Variants in ZNF831 observed in about 807,000 individuals in gnomAD.
ZNF831 encodes the protein zinc finger protein 831, also known as chromosome 20 open reading frame 174.
In ZNF831, 59 loss-of-function variants were observed where a neutral mutation model predicts 95.8. The observed-to-expected ratio is 0.62, with a 90% CI of 0.50 to 0.77. The LOEUF is 0.77. ZNF831 is among the 30% of genes least tolerant of loss of function. The pLI is 0.00. For missense variants in ZNF831, 2,205 were observed against 2,164.0 expected (o/e 1.02, Z -0.38); for synonymous variants, 961 against 925.5 (o/e 1.04, Z -0.70).
intron 4 of ZNF831, among the ~76,000 whole-genome samples, chr20:59,237,017 T>C (rs1243037022): frequency 6.6e-6 from 1 of 152,296 alleles, no homozygotes; most frequent in East Asian, 1.9e-4. Context: ...ATAATGTCCC[T>C]TTTAAAGGTT....
chr20:59,139,551 A>G (rs773952675), intron 1 of ZNF831, among the ~76,000 whole-genome samples: 7 of 152,152 alleles, frequency 4.6e-5, no homozygotes, highest in Non-Finnish European at 8.8e-5. Flanking sequence ...ACCAGTGAAC[A>G]CATGTAACTA....
At position 59,175,198 on chromosome 20, in the gene ZNF831, G is replaced by T. The variant is rs566995139; in HGVS notation, c.-37+10991G>T. Among the ~76,000 whole-genome samples, 3 of 133,554 alleles carry T rather than the reference G, an allele frequency of 2.2e-5. No individual in the cohort carries two copies. The South Asian group carries it at 7.4e-4, about 33-fold the overall frequency. 87.6% of individuals were successfully genotyped at this position (133,554 alleles called of 152,430 possible). A position where few individuals can be genotyped will look rare whatever the true frequency, so the allele number is the denominator to read the frequency against. ...AGGAGTTTGACTATGACGTGCTTTG[G>T]TGTGGATTTCTTTGGGTTTATCCTG... On this transcript the variant is annotated intron_variant, in intron 1 of 5. Transcript: ENST00000371030.
chr20:59,236,503 C>G (rs2146711923), intron 4 of ZNF831, among the ~76,000 whole-genome samples: 1 of 150,312 alleles, frequency 6.7e-6, no homozygotes, highest in African/African-American at 2.4e-5. Context: ...GTTGCCCACT[C>G]TGGAGTGCAG....
At chr20:59,247,633 AT>A (rs1987683226) in intron 4 of ZNF831, among the ~76,000 whole-genome samples, 1 of 152,218 alleles carries the variant, frequency 6.6e-6, no homozygotes, top group African/African-American at 2.4e-5. Flanking sequence ...CTTCTAAACA[AT>A]TTAATCACAG....
intron 1 of ZNF831, among the ~76,000 whole-genome samples, chr20:59,139,577 G>A (rs1375289818): frequency 1.3e-5 from 2 of 152,106 alleles, no homozygotes; most frequent in African/African-American, 4.8e-5. Flanking sequence ...CAACTGACCA[G>A]CATCAGTGCA....
At chr20:59,153,096 C>T (rs187878225) in intron 2 of ZNF831, among the ~76,000 whole-genome samples, 1 of 152,236 alleles carries the variant, frequency 6.6e-6, no homozygotes, top group East Asian at 1.9e-4. Flanking sequence ...ACTTTGCCAT[C>T]GCCACCATCC....
chr20:59,224,862 G>T (rs11908469), intron 4 of ZNF831, among the ~76,000 whole-genome samples: 8,243 of 152,214 alleles, frequency 0.054, 728 homozygotes, highest in African/African-American at 0.19. Flanking sequence ...GTCCCTGCAT[G>T]AATGGTTGAA....
intron 5 of ZNF831, 41 bp from the exon 6 acceptor site, chr20:59,253,857 C>CCT (rs747318932): frequency 8.4e-7 from 1 of 1,183,610 alleles, no homozygotes; most frequent in Non-Finnish European, 1.1e-6. Flanking sequence ...TACCAATTAA[C>CCT]CTCCCCCCCC....
At chr20:59,221,808 G>C (rs190735475) in intron 4 of ZNF831, among the ~76,000 whole-genome samples, 2 of 152,296 alleles carry the variant, frequency 1.3e-5, no homozygotes, top group Admixed American at 6.5e-5. Flanking sequence ...ATCATTTTCA[G>C]TCATTTTCAG....
At chr20:59,199,548 G>A (rs1216674004) in intron 3 of ZNF831, among the ~76,000 whole-genome samples, 2 of 152,052 alleles carry the variant, frequency 1.3e-5, no homozygotes, top group East Asian at 3.9e-4. Context: ...ATCGTGTCAG[G>A]ACATACTGAT....
chr20:59,240,924 G>C (rs1987299325), intron 4 of ZNF831, among the ~76,000 whole-genome samples: 5 of 151,922 alleles, frequency 3.3e-5, no homozygotes, highest in South Asian at 2.1e-4. Flanking sequence ...TAAGCTTTTG[G>C]GTTTGTGTGT....
intron 4 of ZNF831, among the ~76,000 whole-genome samples, chr20:59,222,292 C>T (rs1986131324): frequency 1.3e-5 from 2 of 152,134 alleles, no homozygotes; most frequent in Admixed American, 6.5e-5. Context: ...CCCGGGCGGG[C>T]GGCGGGGTGG....
chr20:59,150,579 C>T lies in ZNF831; in HGVS notation c.-1281+4205C>T, dbSNP rs138032870. ...AGTAACCATAGCATAGGGGACCCAC[C>T]GTATGAGACTCAGAACCATCATCTG... On this transcript the variant is annotated intron_variant, in intron 2 of 7. Transcript: ENST00000637017. Among the ~76,000 whole-genome samples, 1,336 of 152,244 alleles carry T rather than the reference C, an allele frequency of 8.8e-3. 18 individuals carry two copies. Among genetic ancestry groups the T allele is most frequent in the African/African-American group, 0.03 (1,245 of 41,536 alleles).
intron 1 of ZNF831, among the ~76,000 whole-genome samples, chr20:59,139,669 C>CTGGA (rs1173338898): frequency 2.0e-5 from 3 of 152,178 alleles, no homozygotes; most frequent in Admixed American, 1.3e-4. Flanking sequence ...GACTGGAGGA[C>CTGGA]TGGAGCAAGT....
chr20:59,241,549 T>C (rs1238404654), intron 4 of ZNF831, among the ~76,000 whole-genome samples: 2 of 152,186 alleles, frequency 1.3e-5, no homozygotes, highest in Admixed American at 1.3e-4. Context: ...AAGAAAACTT[T>C]TGTAAGAAAC....
At chr20:59,141,482 C>T (rs950676192) in intron 1 of ZNF831, among the ~76,000 whole-genome samples, 1 of 152,186 alleles carries the variant, frequency 6.6e-6, no homozygotes, top group African/African-American at 2.4e-5. Context: ...ATTATCCTTA[C>T]TCCGTTAAAA....
At chr20:59,211,255 G>A (rs182923019) in intron 4 of ZNF831, among the ~76,000 whole-genome samples, 121 of 152,266 alleles carry the variant, frequency 7.9e-4, no homozygotes, top group African/African-American at 2.8e-3. Flanking sequence ...TGTTATTTGA[G>A]CATCCAGTTG....
chr20:59,137,903 A>T (rs6026722), intron 1 of ZNF831, among the ~76,000 whole-genome samples: 153 of 151,826 alleles, frequency 1.0e-3, no homozygotes, highest in African/African-American at 3.5e-3. Context: ...CCCCTTCCTC[A>T]CTTGCTATCC....
rs376362684 is a variant in ZNF831 at position 59,194,668 on chromosome 20, C to G, written c.3649C>G (p.Arg1217Gly). The G allele has an allele frequency of 2.5e-6, 4 of 1,613,104 alleles. No homozygotes were observed. The highest frequency in any genetic ancestry group is 3.4e-6 in the Non-Finnish European group (4 of 1,179,648). Residue 1217 changes from arginine to glycine, a missense_variant, in exon 2 of 6, where the codon CGA (arginine) becomes GGA (glycine). Transcript: ENST00000371030. The stretch of plus-strand genomic sequence containing the variant: ...GGTGCACTTTCCTGGTAGCAGCCTC[C>G]GAGATGAGGGTCCCAATGGCCCTCC... The part of the protein sequence containing the change: ...LAVHFPGSSL[R>G]DEGPNGPPGS...
Sources: allele counts gnomAD v4.1 joint callset (sites outside exome capture counted in the v4.1 genomes callset), GRCh38; gene constraint gnomAD v4.1.1; transcripts MANE v1.5; gene names NCBI Gene and HGNC (gene_info 2026-07-23, HGNC 2026-07-21).